SNRPD1: variants seen among roughly 807,000 people sequenced by gnomAD.
SNRPD1 encodes the protein small nuclear ribonucleoprotein Sm D1.
SNRPD1 carries 1 observed loss-of-function variant against 14.4 expected under a neutral mutation model. The observed-to-expected ratio is 0.07, with a 90% CI of 0.02 to 0.33. SNRPD1 has a LOEUF of 0.33. Among genes scored for constraint, SNRPD1 ranks in the 10% least tolerant of loss-of-function variants. The pLI, the probability that SNRPD1 is intolerant of heterozygous loss-of-function variation, is 1.00. For missense variants in SNRPD1, 52 were observed against 146.4 expected, an observed-to-expected ratio of 0.36 and a Z score of 3.33; for synonymous variants, 42 against 50.3, an observed-to-expected ratio of 0.83 and a Z score of 0.70.
rs944258455 is a variant in SNRPD1 at position 21,625,706 on chromosome 18, G to C, written c.283+1767G>C. On this transcript the variant is annotated intron_variant, in intron 3 of 3. Coordinates refer to ENST00000300413, the MANE Select transcript of SNRPD1 (RefSeq NM_006938.4). ...GCTCACTGCAAGCTCCGCTTCCCGG[G>C]TTCACACCATTGTCCTGCCTCTGCC... Among the ~76,000 whole-genome samples, 26 of 152,252 alleles carry C rather than the reference G, an allele frequency of 1.7e-4. No individual in the cohort carries two copies. The East Asian group carries it at 4.1e-3, about 24-fold the overall frequency.
In SNRPD1 at chr18:21,632,840, CTT is replaced by C. The variant is rs2039094407; in HGVS notation, c.*3705_*3706del. 2 of 151,162 alleles carry C rather than the reference CTT, an allele frequency of 1.3e-5. No individual in the cohort carries two copies. Among genetic ancestry groups the C allele is most frequent in the Non-Finnish European group, 2.9e-5 (2 of 69,354 alleles). The allele number at this position is 151,162 out of a possible 1,614,324, so 9.4% of individuals were successfully genotyped here. A position where few individuals can be genotyped will look rare whatever the true frequency, so the allele number is the denominator to read the frequency against. On this transcript the variant is annotated 3_prime_UTR_variant, in exon 4 of 4. Transcript: ENST00000300413. ...ACTTTAGTTTTTTTTCTTTTCTTTT[CTT>C]TTCTTTTCTTTTCTTTTTTTTTTTT...
chr18:21,626,225 C>T (rs889670844), intron 3 of SNRPD1, among the ~76,000 whole-genome samples: 20 of 151,544 alleles, frequency 1.3e-4, no homozygotes, highest in Admixed American at 4.6e-4. Context: ...TGAACTTTGT[C>T]TCTACTAAAA....
At chr18:21,622,921 A>C (rs933476135) in intron 2 of SNRPD1, 120 bp downstream of exon 2, 19 of 511,510 alleles carry the variant, frequency 3.7e-5, no homozygotes, top group African/African-American at 3.2e-4. Context: ...TTTTGTCTGA[A>C]TTATGTAATT....
At chr18:21,623,252 C>T (rs1459845336) in intron 2 of SNRPD1, among the ~76,000 whole-genome samples, 1 of 152,184 alleles carries the variant, frequency 6.6e-6, no homozygotes, top group East Asian at 1.9e-4. Context: ...CCACCACACC[C>T]AGCTAATTTT....
chr18:21,619,987 C>T lies in SNRPD1; in HGVS notation c.15-2738C>T, dbSNP rs560715672. Among the ~76,000 whole-genome samples, 15 of 151,908 alleles carry T rather than the reference C, an allele frequency of 9.9e-5. 1 individual carries two copies. The South Asian group carries it at 2.5e-3, about 25-fold the overall frequency. ...GTATTTTTTTCGAGATGGAGTCTTG[C>T]TCTGTCACCCAGGCTGCAGTGCAAT... On this transcript the variant is annotated intron_variant, in intron 1 of 3. Transcript: ENST00000300413.
intron 1 of SNRPD1, among the ~76,000 whole-genome samples, chr18:21,618,674 G>A (rs1004654699): frequency 1.3e-5 from 2 of 151,990 alleles, no homozygotes; most frequent in Non-Finnish European, 2.9e-5. Context: ...TTACCAATTC[G>A]TTGAGAAAAA....
intron 1 of SNRPD1, among the ~76,000 whole-genome samples, chr18:21,613,854 C>CAAAAAA (rs56863125): frequency 5.6e-4 from 33 of 58,646 alleles, no homozygotes; most frequent in Admixed American, 8.1e-4. Flanking sequence ...GACTCCATCT[C>CAAAAAA]AAAAAAAAAA....
intron 1 of SNRPD1, among the ~76,000 whole-genome samples, chr18:21,615,543 A>C (rs1201389898): frequency 6.6e-6 from 1 of 152,028 alleles, no homozygotes; most frequent in Non-Finnish European, 1.5e-5. Flanking sequence ...CCTTGAACCC[A>C]GGAGGTGGAG....
chr18:21,613,029 C>T (rs559759307), intron 1 of SNRPD1, among the ~76,000 whole-genome samples: 5 of 152,122 alleles, frequency 3.3e-5, no homozygotes, highest in African/African-American at 1.2e-4. Context: ...TTTTTATCCT[C>T]CTTAGATTTG....
intron 1 of SNRPD1, among the ~76,000 whole-genome samples, chr18:21,615,354 G>A (rs1427041720): frequency 6.6e-6 from 1 of 152,180 alleles, no homozygotes. Flanking sequence ...AGTGGCTCAC[G>A]TCTGTAATCC....
intron 1 of SNRPD1, among the ~76,000 whole-genome samples, chr18:21,618,006 T>C (rs954588158): frequency 6.6e-6 from 1 of 152,156 alleles, no homozygotes; most frequent in Non-Finnish European, 1.5e-5. Flanking sequence ...TTACTCTGTG[T>C]CTTATGCTGT....
intron 1 of SNRPD1, 152 bp from the exon 2 acceptor site, chr18:21,622,573 C>A (rs1295781961): frequency 3.8e-5 from 22 of 581,110 alleles, no homozygotes; most frequent in Non-Finnish European, 5.9e-5. Context: ...GGATATAATT[C>A]AGGAAAGCTG....
At chr18:21,624,731 A>T (rs1395080927) in intron 3 of SNRPD1, among the ~76,000 whole-genome samples, 1 of 151,652 alleles carries the variant, frequency 6.6e-6, no homozygotes, top group Non-Finnish European at 1.5e-5. Flanking sequence ...ATTGTAATCC[A>T]TAGCTTGAAA....
At chr18:21,619,742 T>A (rs959636442) in intron 1 of SNRPD1, among the ~76,000 whole-genome samples, 2 of 151,060 alleles carry the variant, frequency 1.3e-5, no homozygotes, top group Admixed American at 1.3e-4. Context: ...ATCATGCCAC[T>A]GCACTCCAGC....
intron 1 of SNRPD1, among the ~76,000 whole-genome samples, chr18:21,615,678 TAA>T (rs1225560376): frequency 1.3e-5 from 2 of 152,030 alleles, no homozygotes; most frequent in Non-Finnish European, 2.9e-5. Context: ...GAAAATAAAA[TAA>T]AAAGTTATGT....
chr18:21,627,098 T>C (rs2039045777), intron 3 of SNRPD1, among the ~76,000 whole-genome samples: 2 of 149,658 alleles, frequency 1.3e-5, no homozygotes, highest in Non-Finnish European at 3.0e-5. Context: ...TAAAACCCCA[T>C]CTCTACTAAA....
Position 21,629,309 on chromosome 18 carries a change from G to C in SNRPD1, c.*171G>C. 1 of 559,792 alleles carries C rather than the reference G, an allele frequency of 1.8e-6. No individual in the cohort carries two copies. The highest frequency in any genetic ancestry group is 3.2e-6 in the Non-Finnish European group (1 of 310,516). 34.7% of individuals were successfully genotyped at this position (559,792 alleles called of 1,614,324 possible). A position where few individuals can be genotyped will look rare whatever the true frequency, so the allele number is the denominator to read the frequency against. ...ACGAAATTACCACAGTGAGAGCTAA[G>C]CATTTCTACTGGGCAGTTTCATTTT... On this transcript the variant is annotated 3_prime_UTR_variant, in exon 4 of 4. Transcript: ENST00000300413.
chr18:21,628,932 CTT>C (rs1598495282), intron 3 of SNRPD1, 128 bp from the exon 4 acceptor site: 2 of 740,438 alleles, frequency 2.7e-6, no homozygotes, highest in East Asian at 5.0e-5. Context: ...GCTAGTTAAA[CTT>C]TATTTACTGT....
In SNRPD1 at chr18:21,628,368, T is replaced by C. The variant is rs186126596; in HGVS notation, c.284-694T>C. ...GATGGGACTACAGAGTGAGACCCTG[T>C]ATTTAAAAAACAAAAACAAAAACAT... On this transcript the variant is annotated intron_variant, in intron 3 of 3. Transcript: ENST00000300413. Among the ~76,000 whole-genome samples, 100 of 152,300 alleles carry C rather than the reference T, an allele frequency of 6.6e-4. No homozygotes were observed. In the East Asian group the frequency reaches 9.2e-3, roughly 14 times the overall value.
Sources: allele counts gnomAD v4.1 joint callset (sites outside exome capture counted in the v4.1 genomes callset), GRCh38; gene constraint gnomAD v4.1.1; transcripts MANE v1.5; gene names NCBI Gene and HGNC (gene_info 2026-07-23, HGNC 2026-07-21).